TMEM132D: variants seen among roughly 807,000 people sequenced by gnomAD.
TMEM132D encodes the protein transmembrane protein 132D, also known as mature OL transmembrane protein.
A neutral mutation model predicts 62.3 loss-of-function variants in TMEM132D; 21 were observed. The observed-to-expected ratio is 0.34, with a 90% CI of 0.24 to 0.49. TMEM132D has a LOEUF of 0.49. Ranked by LOEUF, TMEM132D falls within the 20% of genes least tolerant of loss-of-function variation. The pLI, the probability that TMEM132D is intolerant of heterozygous loss-of-function variation, is 0.99. For missense variants in TMEM132D, 1,346 were observed against 1,402.8 expected (o/e 0.96, Z 0.65); for synonymous variants, 621 against 575.6 (o/e 1.08, Z -1.13).
At chr12:129,083,653 C>G (rs1033707044) in intron 6 of TMEM132D, among the ~76,000 whole-genome samples, 10 of 152,198 alleles carry the variant, frequency 6.6e-5, no homozygotes. Context: ...TATAAGTTCT[C>G]CCTCAGATAA....
At chr12:129,839,117 A>ATTTTTTTTTTTTTTTTTTTTTTGTTTTTT (rs1873098929) in intron 1 of TMEM132D, among the ~76,000 whole-genome samples, 1 of 20,704 alleles carries the variant, frequency 4.8e-5, no homozygotes, top group African/African-American at 1.8e-4. Flanking sequence ...CGCCTGGCTA[A>ATTTTTTTTTTTTTTTTTTTTTTGTTTTTT]TTTTTTTTTT....
intron 3 of TMEM132D, among the ~76,000 whole-genome samples, chr12:129,346,608 A>C (rs866245095): frequency 6.6e-6 from 1 of 152,184 alleles, no homozygotes; most frequent in Admixed American, 6.5e-5. Context: ...TATCATACTG[A>C]ATGGGTACAA....
chr12:129,544,304 T>C (rs138241490), intron 2 of TMEM132D, among the ~76,000 whole-genome samples: 17 of 152,340 alleles, frequency 1.1e-4, no homozygotes, highest in African/African-American at 3.6e-4. Context: ...TATTAGGAAA[T>C]TGATTTGTAA....
chr12:129,533,203 T>C (rs1876278498), intron 2 of TMEM132D, among the ~76,000 whole-genome samples: 1 of 152,186 alleles, frequency 6.6e-6, no homozygotes, highest in Non-Finnish European at 1.5e-5. Context: ...TTTTAAATAA[T>C]CATTATGCAT....
intron 5 of TMEM132D, among the ~76,000 whole-genome samples, chr12:129,168,466 C>T (rs893230487): frequency 3.9e-5 from 6 of 152,158 alleles, no homozygotes; most frequent in Middle Eastern, 3.2e-3. Context: ...CCCTAATTTA[C>T]TTTCCGCTCT....
chr12:129,848,985 G>A (rs901636335), intron 1 of TMEM132D, among the ~76,000 whole-genome samples: 7 of 151,996 alleles, frequency 4.6e-5, no homozygotes, highest in African/African-American at 1.2e-4. Context: ...CCTGCCTCTC[G>A]TATAATTGCA....
intron 2 of TMEM132D, among the ~76,000 whole-genome samples, chr12:129,674,834 T>C (rs1311852406): frequency 2.0e-5 from 3 of 152,198 alleles, no homozygotes; most frequent in African/African-American, 7.2e-5. Flanking sequence ...CCACCACGCC[T>C]GGCTCGTTTT....
intron 2 of TMEM132D, among the ~76,000 whole-genome samples, chr12:129,681,901 T>A (rs2137208938): frequency 6.6e-6 from 1 of 152,298 alleles, no homozygotes; most frequent in Non-Finnish European, 1.5e-5. Flanking sequence ...CCCCCAGTCT[T>A]TGTTGATGCT....
At chr12:129,478,403 C>T (rs1874332532) in intron 3 of TMEM132D, among the ~76,000 whole-genome samples, 1 of 152,190 alleles carries the variant, frequency 6.6e-6, no homozygotes, top group South Asian at 2.1e-4. Flanking sequence ...TCCATTATAA[C>T]CTTACGGAAC....
intron 1 of TMEM132D, among the ~76,000 whole-genome samples, chr12:129,775,898 A>G (rs1870905266): frequency 6.6e-6 from 1 of 152,180 alleles, no homozygotes; most frequent in Non-Finnish European, 1.5e-5. Flanking sequence ...TCAATCGTCT[A>G]TCAATAAGGA....
chr12:129,491,852 G>A (rs770690763), intron 3 of TMEM132D, among the ~76,000 whole-genome samples: 9 of 152,088 alleles, frequency 5.9e-5, no homozygotes, highest in African/African-American at 2.2e-4. Flanking sequence ...TGCGGCAGGA[G>A]AATCACTTGA....
chr12:129,343,339 C>CA (rs1162746326), intron 3 of TMEM132D, among the ~76,000 whole-genome samples: 1 of 151,626 alleles, frequency 6.6e-6, no homozygotes, highest in Non-Finnish European at 1.5e-5. Flanking sequence ...GAAAAACAAC[C>CA]ACCGCATGTT....
At chr12:129,434,336 A>C (rs546035825) in intron 3 of TMEM132D, among the ~76,000 whole-genome samples, 3 of 152,232 alleles carry the variant, frequency 2.0e-5, no homozygotes, top group Non-Finnish European at 4.4e-5. Context: ...AGGTAGCTTG[A>C]GCACAAATTG....
chr12:129,613,829 GCAGAACCCAGGGGATCGGCTC>G (rs1242110937), intron 2 of TMEM132D, among the ~76,000 whole-genome samples: 15 of 146,074 alleles, frequency 1.0e-4, no homozygotes, highest in African/African-American at 2.8e-4. Flanking sequence ...GGGACTGTCT[GCAGAACCCAGGGGATCGGCTC>G]CAGAACCCAA....
chr12:129,451,034 T>C (rs1039672640), intron 3 of TMEM132D, among the ~76,000 whole-genome samples: 10 of 152,056 alleles, frequency 6.6e-5, no homozygotes, highest in Non-Finnish European at 1.0e-4. Context: ...AGTGCTGGGA[T>C]TACAGGCGTG....
intron 3 of TMEM132D, among the ~76,000 whole-genome samples, chr12:129,480,641 A>C (rs73429754): frequency 2.0e-5 from 3 of 152,170 alleles, no homozygotes; most frequent in African/African-American, 7.2e-5. Context: ...CCCACACTCC[A>C]TCTTCCTTAG....
chr12:129,192,447 T>A (rs1283204335), intron 5 of TMEM132D, among the ~76,000 whole-genome samples: 2 of 152,174 alleles, frequency 1.3e-5, no homozygotes, highest in Admixed American at 6.5e-5. Context: ...GACCTTCCCA[T>A]GAGGGGAAAG....
intron 3 of TMEM132D, among the ~76,000 whole-genome samples, chr12:129,396,447 CAA>C (rs961643321): frequency 1.3e-5 from 2 of 152,214 alleles, no homozygotes; most frequent in African/African-American, 2.4e-5. Flanking sequence ...TGTGCAATTT[CAA>C]AGTCACATCC....
intron 1 of TMEM132D, among the ~76,000 whole-genome samples, chr12:129,896,264 AGACATG>A (rs1875126695): frequency 6.6e-6 from 1 of 152,076 alleles, no homozygotes; most frequent in Non-Finnish European, 1.5e-5. Context: ...CTGGGATTAC[AGACATG>A]AGCCATCATG....
Sources: gnomAD v4.1 joint callset for allele counts (sites outside exome capture counted in the v4.1 genomes callset) on GRCh38, gnomAD v4.1.1 for gene constraint, MANE v1.5 for transcripts, NCBI Gene and HGNC (gene_info 2026-07-23, HGNC 2026-07-21) for gene names.